Variants in PISD observed in about 807,000 individuals in gnomAD.
The protein encoded by PISD is phosphatidylserine decarboxylase, also known as phosphatidylserine decarboxylase proenzyme, mitochondrial.
In PISD, 31 loss-of-function variants were observed where a neutral mutation model predicts 43.5. That is an observed-to-expected ratio of 0.71 (90% CI 0.54 to 0.96). The LOEUF (loss-of-function observed/expected upper bound fraction) is 0.96, where lower values mean the gene tolerates loss of function less well. PISD is among the 40% of genes least tolerant of loss of function. The pLI, the probability that PISD is intolerant of heterozygous loss-of-function variation, is 0.00. For missense variants in PISD, 523 were observed against 548.4 expected (o/e 0.95, Z 0.46); for synonymous variants, 259 against 228.7 (o/e 1.13, Z -1.20).
At chr22:31,626,118 A>T in intron 3 of PISD, 1 of 1,132,872 alleles carries the variant, frequency 8.8e-7, no homozygotes, top group Non-Finnish European at 1.2e-6. Context: ...CACTGTCCCC[A>T]GTCCTGGCCA....
intron 3 of PISD, among the ~76,000 whole-genome samples, chr22:31,640,904 T>TTTTTTTTTTA (rs58251593): frequency 8.7e-6 from 1 of 114,964 alleles, no homozygotes; most frequent in Non-Finnish European, 1.8e-5. Flanking sequence ...TTTTTTTTTT[T>TTTTTTTTTTA]GAGATGGAGT....
At chr22:31,622,618 GCCATCTGCA>G (rs1167408228) in intron 3 of PISD, among the ~76,000 whole-genome samples, 1 of 152,218 alleles carries the variant, frequency 6.6e-6, no homozygotes, top group Non-Finnish European at 1.5e-5. Context: ...AGGCCATAAA[GCCATCTGCA>G]CCTGGGGTTC....
chr22:31,639,807 C>T (rs554737071), intron 3 of PISD, among the ~76,000 whole-genome samples: 4 of 152,256 alleles, frequency 2.6e-5, no homozygotes, highest in South Asian at 2.1e-4. Context: ...TCACTCACCG[C>T]GGCTCTGAGC....
Position 31,621,060 on chromosome 22 carries a change from A to G in PISD, c.780T>C (p.Pro260=), listed in dbSNP as rs750037214. The stretch of plus-strand genomic sequence containing the variant: ...GGGAGTGGAAGCAGTGGTAGTCCCC[A>G]GGGGCCAGGTAGATGACACAGTGAT... ...ELYHCVIYLA[P]GDYHCFHSPT... The change falls in exon 6 of 8, where the codon CCT becomes CCC. Residue 260 remains proline (P), a synonymous_variant. Coordinates refer to ENST00000439502, the MANE Select transcript of PISD (RefSeq NM_001326411.2). 6.2e-7 allele frequency: 1 copy of G among 1,614,008 alleles called. No homozygotes were observed. Among genetic ancestry groups the G allele is most frequent in the South Asian group, 1.1e-5 (1 of 91,084 alleles).
intron 3 of PISD, among the ~76,000 whole-genome samples, chr22:31,624,611 A>T (rs2072772679): frequency 6.6e-6 from 1 of 151,092 alleles, no homozygotes; most frequent in South Asian, 2.1e-4. Flanking sequence ...CCCCACCACA[A>T]GCTCTCAAGC....
intron 1 of PISD, among the ~76,000 whole-genome samples, chr22:31,656,684 A>G (rs1435538333): frequency 6.6e-6 from 1 of 151,636 alleles, no homozygotes; most frequent in Non-Finnish European, 1.5e-5. Context: ...AAATAAATAA[A>G]CAAAACAGAA....
chr22:31,637,124 AAAATAATAATAAATAAATT>A (rs1181306986), intron 3 of PISD, among the ~76,000 whole-genome samples: 2 of 125,886 alleles, frequency 1.6e-5, no homozygotes, highest in African/African-American at 6.2e-5. Context: ...TCTACAAAAA[AAAATAATAATAAATAAATT>A]AAAAAAAAAA....
At chr22:31,640,254 A>G (rs1453728175) in intron 3 of PISD, among the ~76,000 whole-genome samples, 1 of 147,274 alleles carries the variant, frequency 6.8e-6, no homozygotes, top group African/African-American at 2.6e-5. Context: ...GCTGGAGTGC[A>G]GTGGCACAAT....
At position 31,629,323 on chromosome 22, in the gene PISD, G is replaced by C. The variant is rs2073075822; in HGVS notation, c.322-7438C>G. ...ATGTGCATGGAGGGGTGCGTGTATA[G>C]GTGCGAGGATGTGTGGGGTGTGTAG... On this transcript the variant is annotated intron_variant, in intron 3 of 7. Transcript: ENST00000439502. The C allele has an allele frequency of 4.9e-6, 3 of 606,792 alleles. No individual in the cohort carries two copies. The Admixed American group carries it at 1.9e-4, about 39-fold the overall frequency. The allele number at this position is 606,792 out of a possible 1,614,324, so 37.6% of individuals were successfully genotyped here. A position where few individuals can be genotyped will look rare whatever the true frequency, so the allele number is the denominator to read the frequency against.
At chr22:31,620,024 C>CT (rs1225344062) in intron 7 of PISD, among the ~76,000 whole-genome samples, 188 bp from the exon 8 acceptor site, 1 of 152,196 alleles carries the variant, frequency 6.6e-6, no homozygotes, top group African/African-American at 2.4e-5. Flanking sequence ...CACACACAGC[C>CT]TTGACACCTG....
chr22:31,623,222 T>G (rs752266411), intron 3 of PISD, among the ~76,000 whole-genome samples: 1 of 152,188 alleles, frequency 6.6e-6, no homozygotes, highest in African/African-American at 2.4e-5. Flanking sequence ...TCCTGGGGCA[T>G]GCCTCTGGGT....
At position 31,618,659 on chromosome 22, in the gene PISD, A is replaced by C; in HGVS notation, c.*953T>G. On this transcript the variant is annotated 3_prime_UTR_variant, in exon 8 of 8. Coordinates refer to ENST00000439502, the MANE Select transcript of PISD (RefSeq NM_001326411.2). ...ACAGCATCCCCAGGGTCAACATGAA[A>C]TCTGGCCCTGTCCCCGCCACTGGGG... 2.5e-6 allele frequency: 1 copy of C among 403,512 alleles called. No individual in the cohort carries two copies. Among genetic ancestry groups the C allele is most frequent in the Non-Finnish European group, 4.3e-6 (1 of 231,924 alleles). 25.0% of individuals were successfully genotyped at this position (403,512 alleles called of 1,614,324 possible).
chr22:31,637,164 A>ATATATATAT (rs1205211767), intron 3 of PISD, among the ~76,000 whole-genome samples: 2 of 13,646 alleles, frequency 1.5e-4, no homozygotes, highest in Non-Finnish European at 2.5e-4. Flanking sequence ...AAAAAAAAAA[A>ATATATATAT]ATATATATAT....
At chr22:31,660,500 A>C (rs11705292) in intron 1 of PISD, among the ~76,000 whole-genome samples, 13,061 of 151,386 alleles carry the variant, frequency 0.086, 666 homozygotes, top group Admixed American at 0.15. Context: ...CCCCACCCCC[A>C]AAAAAAATGC....
At chr22:31,640,575 G>GTTTTTTTTTTTTTTTTTT (rs759964791) in intron 3 of PISD, among the ~76,000 whole-genome samples, 1 of 91,254 alleles carries the variant, frequency 1.1e-5, no homozygotes, top group Non-Finnish European at 1.9e-5. Flanking sequence ...CGGTTTGGTT[G>GTTTTTTTTTTTTTTTTTT]TTTTTTTTTT....
rs893926340 is a variant in PISD at position 31,647,728 on chromosome 22, T to G, written c.321+373A>C. Among the ~76,000 whole-genome samples, 3 of 151,922 alleles carry G rather than the reference T, an allele frequency of 2.0e-5. No homozygotes were observed. The Admixed American group carries it at 2.0e-4, about 10-fold the overall frequency. ...AATGACAAAGGAATTTGATTATTTC[T>G]GTCTGGTTCCTGGTGAGAACTAATC... On this transcript the variant is annotated intron_variant, in intron 3 of 7. Coordinates refer to ENST00000439502, the MANE Select transcript of PISD (RefSeq NM_001326411.2).
chr22:31,642,177 G>A (rs1012010256), intron 3 of PISD, among the ~76,000 whole-genome samples: 2 of 151,416 alleles, frequency 1.3e-5, no homozygotes, highest in Admixed American at 6.6e-5. Context: ...GAAGAGCCAA[G>A]AGTGGCTCCA....
chr22:31,628,614 A>T (rs1248593585), intron 3 of PISD, among the ~76,000 whole-genome samples: 3 of 152,226 alleles, frequency 2.0e-5, no homozygotes, highest in African/African-American at 7.2e-5. Flanking sequence ...CAACCTGGTC[A>T]CTGCAATCCT....
At chr22:31,660,381 G>A (rs1601467974) in intron 1 of PISD, among the ~76,000 whole-genome samples, 1 of 152,240 alleles carries the variant, frequency 6.6e-6, no homozygotes, top group Non-Finnish European at 1.5e-5. Flanking sequence ...GGTGGACTGC[G>A]ATGGCTCACT....
Sources: gnomAD v4.1 joint callset for allele counts (sites outside exome capture counted in the v4.1 genomes callset) on GRCh38, gnomAD v4.1.1 for gene constraint, MANE v1.5 for transcripts, NCBI Gene and HGNC (gene_info 2026-07-23, HGNC 2026-07-21) for gene names.